PTPRR: variants seen among roughly 807,000 people sequenced by gnomAD.
The protein encoded by PTPRR is protein tyrosine phosphatase receptor type R.
Under a neutral mutation model 77.2 loss-of-function variants are expected in PTPRR, and 38 were observed. The ratio of observed to expected loss-of-function variants is 0.49; its 90% CI spans 0.38 to 0.65. The LOEUF is 0.65. Ranked by LOEUF, PTPRR falls within the 30% of genes least tolerant of loss-of-function variation. PTPRR has a pLI of 0.00. For missense variants in PTPRR, 744 were observed against 799.2 expected (o/e 0.93, Z 0.83); for synonymous variants, 299 against 283.1 (o/e 1.06, Z -0.57).
At chr12:70,810,311 G>T (rs1004807002) in intron 2 of PTPRR, among the ~76,000 whole-genome samples, 1 of 152,166 alleles carries the variant, frequency 6.6e-6, no homozygotes, top group East Asian at 1.9e-4. Context: ...CAGAAGTCAG[G>T]TATAAAATGT....
intron 13 of PTPRR, among the ~76,000 whole-genome samples, chr12:70,641,176 T>C (rs1347237017): frequency 6.6e-6 from 1 of 152,154 alleles, no homozygotes; most frequent in African/African-American, 2.4e-5. Context: ...CAGTAAATAT[T>C]AGGGTAGCTC....
chr12:70,681,614 CTG>C (rs1744964659), intron 10 of PTPRR, among the ~76,000 whole-genome samples: 1 of 152,200 alleles, frequency 6.6e-6, no homozygotes, highest in African/African-American at 2.4e-5. Context: ...CACAGGATTT[CTG>C]TCTCTCTCCT....
At chr12:70,903,118 TGAG>T (rs1293469471) in intron 1 of PTPRR, among the ~76,000 whole-genome samples, 1 of 151,540 alleles carries the variant, frequency 6.6e-6, no homozygotes, top group Non-Finnish European at 1.5e-5. Context: ...GGGGAAGGAA[TGAG>T]GAGTTGTTGG....
intron 2 of PTPRR, among the ~76,000 whole-genome samples, chr12:70,773,441 T>C (rs2136987495): frequency 6.6e-6 from 1 of 152,298 alleles, no homozygotes; most frequent in Non-Finnish European, 1.5e-5. Flanking sequence ...TTTTAGGCTC[T>C]GAGTCAATAC....
intron 8 of PTPRR, among the ~76,000 whole-genome samples, chr12:70,687,085 A>G (rs1445999290): frequency 6.6e-6 from 1 of 152,046 alleles, no homozygotes; most frequent in Non-Finnish European, 1.5e-5. Flanking sequence ...TCACTTAATT[A>G]TTACAATTCT....
intron 2 of PTPRR, among the ~76,000 whole-genome samples, chr12:70,770,230 A>G (rs1191153660): frequency 1.3e-5 from 2 of 150,452 alleles, no homozygotes; most frequent in East Asian, 1.9e-4. Context: ...GCAACCTACA[A>G]AATGGGAGAA....
intron 10 of PTPRR, among the ~76,000 whole-genome samples, chr12:70,668,924 T>C (rs756452858): frequency 6.2e-4 from 95 of 152,220 alleles, no homozygotes; most frequent in Non-Finnish European, 1.1e-3. Context: ...ATCAAAGACA[T>C]ATATGGTAGC....
chr12:70,704,102 G>A (rs1043826984), intron 6 of PTPRR, among the ~76,000 whole-genome samples: 14 of 151,988 alleles, frequency 9.2e-5, no homozygotes, highest in African/African-American at 2.7e-4. Context: ...AGAAGCAACA[G>A]TCATAGACAC....
chr12:70,753,488 A>C (rs1026566554), intron 5 of PTPRR, among the ~76,000 whole-genome samples: 2 of 152,164 alleles, frequency 1.3e-5, no homozygotes, highest in African/African-American at 4.8e-5. Flanking sequence ...GAAACATCTT[A>C]TTCTACCCTA....
intron 2 of PTPRR, among the ~76,000 whole-genome samples, chr12:70,794,520 G>A (rs1051590166): frequency 4.6e-5 from 7 of 152,178 alleles, no homozygotes; most frequent in African/African-American, 1.4e-4. Flanking sequence ...GGGAAATGAA[G>A]CTTGAAATAA....
chr12:70,833,633 C>T (rs1181556837), intron 2 of PTPRR, among the ~76,000 whole-genome samples: 1 of 152,144 alleles, frequency 6.6e-6, no homozygotes, highest in Non-Finnish European at 1.5e-5. Flanking sequence ...ACTTAAATCC[C>T]ACCATAAGCC....
Position 70,662,547 on chromosome 12 carries a change from A to G in PTPRR, c.1556T>C (p.Val519Ala). Residue 519 changes from valine to alanine, a missense_variant, in exon 11 of 14, where the codon GTT (valine) becomes GCT (alanine). Val to Ala is a moderately conservative substitution (Grantham distance 64). This residue lies in a region of PTPRR where 170 missense variants were observed against 209.8 expected (regional missense o/e 0.81). Transcript: ENST00000283228. ...RGIYGKVEVL[V>A]ISVNECDNYT... Reference sequence around the variant, plus strand: ...GTTATCACATTCATTTACACTGATAACCAGAACCTCAACTTTTCCATATAT... The same window carrying G: ...GTTATCACATTCATTTACACTGATAGCCAGAACCTCAACTTTTCCATATAT... 1 of 1,612,888 alleles carries G rather than the reference A, an allele frequency of 6.2e-7. No individual in the cohort carries two copies. The highest frequency in any genetic ancestry group is 8.5e-7 in the Non-Finnish European group (1 of 1,179,208).
chr12:70,768,776 C>T (rs947760083), intron 2 of PTPRR, among the ~76,000 whole-genome samples: 1 of 151,972 alleles, frequency 6.6e-6, no homozygotes, highest in African/African-American at 2.4e-5. Flanking sequence ...TACGGGCAAA[C>T]CGAATCCAGC....
At chr12:70,676,208 G>A (rs148854801) in intron 10 of PTPRR, among the ~76,000 whole-genome samples, 2 of 151,062 alleles carry the variant, frequency 1.3e-5, no homozygotes, top group South Asian at 4.2e-4. Flanking sequence ...GATCTTCTAG[G>A]TATTTTCCTT....
intron 2 of PTPRR, among the ~76,000 whole-genome samples, chr12:70,875,306 T>A (rs576841259): frequency 6.6e-6 from 1 of 152,326 alleles, no homozygotes; most frequent in East Asian, 1.9e-4. Flanking sequence ...GGTATAAATG[T>A]ACATATTTTT....
intron 2 of PTPRR, among the ~76,000 whole-genome samples, chr12:70,864,860 A>G (rs927934476): frequency 4.6e-5 from 7 of 152,100 alleles, no homozygotes; most frequent in African/African-American, 1.4e-4. Flanking sequence ...TGCTCAGGCT[A>G]GAGTACAGTG....
Position 70,811,535 on chromosome 12 carries a change from G to T in PTPRR, c.358-46757C>A, listed in dbSNP as rs184791285. On this transcript the variant is annotated intron_variant, in intron 2 of 13. Transcript: ENST00000283228. ...CCATTAGGTAGAGGCAGGCCTCCAT[G>T]CAAAACACAGCAGAAACCTTAGACC... Among the ~76,000 whole-genome samples, 112 of 152,310 alleles carry T rather than the reference G, an allele frequency of 7.4e-4. 1 individual carries two copies. The South Asian group carries it at 0.011, about 14-fold the overall frequency.
chr12:70,765,072 G>T (rs560605913), intron 2 of PTPRR, among the ~76,000 whole-genome samples: 23 of 152,334 alleles, frequency 1.5e-4, no homozygotes, highest in African/African-American at 5.5e-4. Context: ...ACAGCTCCCA[G>T]TGTGAGTGAT....
At chr12:70,869,378 C>G (rs12302581) in intron 2 of PTPRR, among the ~76,000 whole-genome samples, 18,532 of 151,772 alleles carry the variant, frequency 0.12, 2,108 homozygotes, top group African/African-American at 0.31. Flanking sequence ...GAGACTCACA[C>G]GAGGGGAACT....
Sources: allele counts gnomAD v4.1 joint callset (sites outside exome capture counted in the v4.1 genomes callset), GRCh38; gene constraint gnomAD v4.1.1; regional missense constraint gnomAD v4.1.1; transcripts MANE v1.5; gene names NCBI Gene and HGNC (gene_info 2026-07-23, HGNC 2026-07-21).